The following KDM4A variants were observed in gnomAD, a reference collection of about 807,000 sequenced individuals.
KDM4A encodes lysine-specific demethylase 4A.
Under a neutral mutation model 127.1 loss-of-function variants are expected in KDM4A, and 23 were observed. That is an observed-to-expected ratio of 0.18 (90% CI 0.13 to 0.26). The LOEUF is 0.26. Among genes scored for constraint, KDM4A ranks in the 10% least tolerant of loss-of-function variants. KDM4A has a pLI of 1.00. For synonymous variants in KDM4A, 443 were observed against 466.5 expected (o/e 0.95, Z 0.65); for missense variants, 890 against 1,329.1 (o/e 0.67, Z 5.14).
intron 18 of KDM4A, among the ~76,000 whole-genome samples, chr1:43,695,472 CAGA>C (rs371681566): frequency 1.3e-5 from 2 of 152,138 alleles, no homozygotes; most frequent in African/African-American, 2.4e-5. Flanking sequence ...GAACAGGTCG[CAGA>C]AGAAGGATCA....
chr1:43,671,682 C>G lies in KDM4A; in HGVS notation c.1541C>G (p.Ser514Cys). ...SKKKSSSSLG[S>C]GSSRDSISSD... Reference sequence around the variant, plus strand: ...AAGAAATCATCTTCTAGCCTGGGCTCTGGCTCTTCACGGGATTCTATCTCT... The same window carrying G: ...AAGAAATCATCTTCTAGCCTGGGCTGTGGCTCTTCACGGGATTCTATCTCT... Residue 514 changes from serine to cysteine, a missense_variant, in exon 11 of 22, where the codon TCT becomes TGT. Physicochemically the swap from Ser to Cys is moderately radical, Grantham distance 112. This residue lies in a region of KDM4A where 389 missense variants were observed against 485.9 expected (regional missense o/e 0.80). Transcript: ENST00000372396. The G allele has an allele frequency of 6.2e-7, 1 of 1,613,368 alleles. No individual in the cohort carries two copies. The highest frequency in any genetic ancestry group is 8.5e-7 in the Non-Finnish European group (1 of 1,179,738).
At chr1:43,700,445 G>A (rs1185621519) in intron 19 of KDM4A, among the ~76,000 whole-genome samples, 1 of 152,074 alleles carries the variant, frequency 6.6e-6, no homozygotes, top group African/African-American at 2.4e-5. Context: ...TATTTTAATA[G>A]TCTTTCAGGT....
chr1:43,683,219 C>T (rs548418320), intron 11 of KDM4A, among the ~76,000 whole-genome samples: 33 of 152,358 alleles, frequency 2.2e-4, no homozygotes, highest in African/African-American at 7.5e-4. Flanking sequence ...AGCTGCTGCT[C>T]ACCCCTTTGG....
At chr1:43,669,014 T>A in intron 9 of KDM4A, 86 bp from the exon 10 acceptor site, 1 of 1,376,326 alleles carries the variant, frequency 7.3e-7, no homozygotes, top group Non-Finnish European at 1.0e-6. Flanking sequence ...GCCATTCACT[T>A]TGGGTTGTGT....
intron 19 of KDM4A, chr1:43,703,253 ATGT>A (rs1661451516): frequency 6.2e-6 from 1 of 160,994 alleles, no homozygotes; most frequent in Non-Finnish European, 1.3e-5. Context: ...AAAAAAACAC[ATGT>A]CTTATAGTTG....
At chr1:43,665,405 A>G (rs996119488) in intron 5 of KDM4A, among the ~76,000 whole-genome samples, 3 of 152,106 alleles carry the variant, frequency 2.0e-5, no homozygotes, top group African/African-American at 7.2e-5. Flanking sequence ...TATGAACAAC[A>G]TTATAAAGGA....
chr1:43,703,334 T>C (rs979275067), intron 19 of KDM4A: 1 of 295,656 alleles, frequency 3.4e-6, no homozygotes, highest in Non-Finnish European at 6.4e-6. Flanking sequence ...TGAGGGAATG[T>C]AAGAAGGACT....
rs1392568584 is a variant in KDM4A, at chr1:43,671,582, C to A, written c.1441C>A (p.Gln481Lys). 1 of 1,609,730 alleles carries A rather than the reference C, an allele frequency of 6.2e-7. No individual in the cohort carries two copies. The highest frequency in any genetic ancestry group is 8.5e-7 in the Non-Finnish European group (1 of 1,178,422). ...AGAAGAGGAGGATGAGGAGGAAGAA[C>A]AAGCAGCAGCTGCCTTGGATCTTTC... ...KLEEEDEEEE[Q>K]AAAALDLSVN... is the part of the protein sequence containing the mutation. The change falls in exon 11 of 22, where the codon CAA becomes AAA. Residue 481 changes from glutamine (Q) to lysine (K), a missense_variant. Physicochemically the swap from Gln to Lys is moderately conservative, Grantham distance 53. This residue lies in a region of KDM4A where 389 missense variants were observed against 485.9 expected (regional missense o/e 0.80). Coordinates refer to ENST00000372396, the MANE Select transcript of KDM4A (RefSeq NM_014663.3).
Position 43,667,787 on chromosome 1 carries a change from G to T in KDM4A, c.931G>T (p.Asp311Tyr). 6.2e-7 allele frequency: 1 copy of T among 1,614,200 alleles called. No individual in the cohort carries two copies. The highest frequency in any genetic ancestry group is 1.1e-5 in the South Asian group (1 of 91,076). Residue 311 changes from aspartate to tyrosine, a missense_variant, in exon 9 of 22, where the codon GAC (aspartate) becomes TAC (tyrosine). Transcript: ENST00000372396. Reference protein sequence around the residue: ...KQAVLCSCRKDMVKISMDVFV... With the variant: ...KQAVLCSCRKYMVKISMDVFV... ...CTGCTGACAGTGCTCCTGTAGAAAG[G>T]ACATGGTGAAGATCTCCATGGATGT...
chr1:43,692,459 A>G, intron 16 of KDM4A, 148 bp downstream of exon 16: 1 of 683,588 alleles, frequency 1.5e-6, no homozygotes, highest in African/African-American at 1.8e-5. Flanking sequence ...TCCAAGACTC[A>G]TTTTAAAAAT....
In KDM4A at chr1:43,668,327, G is replaced by GT. The variant is rs199553306; in HGVS notation, c.1163+309dup. On this transcript the variant is annotated intron_variant, in intron 9 of 21. Coordinates refer to ENST00000372396, the MANE Select transcript of KDM4A (RefSeq NM_014663.3). ...TTTTTAGTAGAGACAGGGTTTCACTGTGTTAGCCAGGACGGTCTCGATCTC... is the reference window on the plus strand; with the variant it reads ...TTTTTAGTAGAGACAGGGTTTCACTGTTGTTAGCCAGGACGGTCTCGATCTC... Among the ~76,000 whole-genome samples the GT allele has an allele frequency of 9.0e-3, 1,377 of 152,174 alleles. 21 individuals carry two copies. The highest frequency in any genetic ancestry group is 0.032 in the African/African-American group (1,310 of 41,526).
intron 8 of KDM4A, 125 bp from the exon 9 acceptor site, chr1:43,667,647 C>G: frequency 4.6e-6 from 6 of 1,309,742 alleles, no homozygotes; most frequent in Non-Finnish European, 6.4e-6. Flanking sequence ...AGCCTGTGAA[C>G]CAAAACAATC....
intron 1 of KDM4A, among the ~76,000 whole-genome samples, chr1:43,651,927 A>G (rs191832171): frequency 1.3e-5 from 2 of 152,366 alleles, no homozygotes; most frequent in African/African-American, 4.8e-5. Flanking sequence ...ACTTGTCTGT[A>G]GCTTGATTTC....
chr1:43,697,774 A>T, intron 18 of KDM4A, 69 bp from the exon 19 acceptor site: 4 of 1,366,154 alleles, frequency 2.9e-6, no homozygotes, highest in Non-Finnish European at 4.1e-6. Flanking sequence ...GAACTAATTG[A>T]TCTTCATCTC....
intron 18 of KDM4A, among the ~76,000 whole-genome samples, chr1:43,695,402 TAAAC>T (rs1294329502): frequency 6.6e-6 from 1 of 152,188 alleles, no homozygotes; most frequent in Non-Finnish European, 1.5e-5. Context: ...AAGTGGGTCT[TAAAC>T]AATAAGAAGG....
At chr1:43,668,390 G>A (rs1175696338) in intron 9 of KDM4A, among the ~76,000 whole-genome samples, 1 of 152,192 alleles carries the variant, frequency 6.6e-6, no homozygotes, top group Non-Finnish European at 1.5e-5. Context: ...CTCCCAAAGT[G>A]CTGGGATTAC....
intron 18 of KDM4A, among the ~76,000 whole-genome samples, chr1:43,696,763 C>T (rs16831079): frequency 0.098 from 14,954 of 152,206 alleles, 2,519 homozygotes; most frequent in African/African-American, 0.34. Flanking sequence ...CATGCTTAAG[C>T]TGGCAGCTGT....
At chr1:43,681,066 C>T (rs1049569966) in intron 11 of KDM4A, among the ~76,000 whole-genome samples, 2 of 152,116 alleles carry the variant, frequency 1.3e-5, no homozygotes, top group African/African-American at 4.8e-5. Context: ...TCTCATTTTT[C>T]CCTTGATCTT....
At chr1:43,691,145 G>C in intron 14 of KDM4A, 96 bp downstream of exon 14, 2 of 1,254,578 alleles carry the variant, frequency 1.6e-6, no homozygotes, top group Non-Finnish European at 1.2e-6. Flanking sequence ...GCCCCAAAAA[G>C]ATTGTTGATG....
Sources: allele counts gnomAD v4.1 joint callset (sites outside exome capture counted in the v4.1 genomes callset), GRCh38; gene constraint gnomAD v4.1.1; regional missense constraint gnomAD v4.1.1; transcripts MANE v1.5; gene names NCBI Gene and HGNC (gene_info 2026-07-23, HGNC 2026-07-21).